Variants in ENTPD8 observed in about 807,000 individuals in gnomAD.
ENTPD8 encodes ectonucleoside triphosphate diphosphohydrolase 8, also known as E-NTPDase 8.
Under a neutral mutation model 47.0 loss-of-function variants are expected in ENTPD8, and 35 were observed. The ratio of observed to expected loss-of-function variants is 0.75; its 90% CI spans 0.57 to 0.99. ENTPD8 has a LOEUF of 0.99. Ranked by LOEUF, ENTPD8 falls within the 50% of genes least tolerant of loss-of-function variation. The pLI is 0.00. For missense variants in ENTPD8, 668 were observed against 649.9 expected (o/e 1.03, Z -0.30); for synonymous variants, 308 against 290.5 (o/e 1.06, Z -0.61).
In ENTPD8 at chr9:137,435,842, G is replaced by A. The variant is rs1393510612; in HGVS notation, c.1051-13C>T. The A allele has an allele frequency of 1.9e-6, 3 of 1,612,014 alleles. No individual in the cohort carries two copies. Among genetic ancestry groups the A allele is most frequent in the Admixed American group, 1.7e-5 (1 of 60,020 alleles). Reference sequence around the variant, plus strand: ...AGTTGGAGAAGGCCTGAGTGAGAGGGGAGGTGGCTGTGCCTTCGCTGTGGC... The same window carrying A: ...AGTTGGAGAAGGCCTGAGTGAGAGGAGAGGTGGCTGTGCCTTCGCTGTGGC... On this transcript the variant is annotated splice_polypyrimidine_tract_variant and intron_variant, in intron 7 of 9. Transcript: ENST00000371506.
intron 6 of ENTPD8, 67 bp downstream of exon 6, chr9:137,436,454 C>T (rs1198830325): frequency 6.7e-7 from 1 of 1,501,336 alleles, no homozygotes; most frequent in Non-Finnish European, 9.1e-7. Context: ...GCCGGATGAC[C>T]CACGCCAGCC....
chr9:137,436,294 G>A lies in ENTPD8; in HGVS notation c.787-18C>T. On this transcript the variant is annotated intron_variant, in intron 6 of 9. Transcript: ENST00000371506. ...GGGCGGCTCTGCAGAGGGCAGGGAG[G>A]CCTGAGCACCAGCCGCACACCTGCG... is the stretch of plus-strand genomic sequence containing the variant. 6.4e-7 allele frequency: 1 copy of A among 1,552,330 alleles called. No homozygotes were observed. The highest frequency in any genetic ancestry group is 2.1e-4 in the Middle Eastern group (1 of 4,708).
At chr9:137,435,677 C>T in intron 8 of ENTPD8, 42 bp downstream of exon 8, 2 of 1,562,404 alleles carry the variant, frequency 1.3e-6, no homozygotes, top group Non-Finnish European at 1.8e-6. Flanking sequence ...CCTGTACCCT[C>T]AGGGACCCTC....
chr9:137,435,372 GC>G, intron 8 of ENTPD8, 34 bp from the exon 9 acceptor site: 1 of 1,593,760 alleles, frequency 6.3e-7, no homozygotes. Flanking sequence ...CGAGGTGAGG[GC>G]CCCTGATCCC....
chr9:137,434,517 G>C lies in ENTPD8; in HGVS notation c.*397C>G, dbSNP rs1010060228. 2.3e-6 allele frequency: 2 copies of C among 886,252 alleles called. No homozygotes were observed. Among genetic ancestry groups the C allele is most frequent in the Admixed American group, 2.7e-5 (1 of 37,022 alleles). 54.9% of individuals were successfully genotyped at this position (886,252 alleles called of 1,614,324 possible). ...AGCAGGGAGAGCGGGGGTCCAGGTG[G>C]GGCAGCTCCCTCCCTTCCACCCCTC... On this transcript the variant is annotated 3_prime_UTR_variant, in exon 10 of 10. Transcript: ENST00000371506.
Position 137,435,303 on chromosome 9 carries a change from C to A in ENTPD8, c.1197G>T (p.Leu399=). ...EASYPGQDRW[L]RDYCASGLYI... ...ACAGGCCTGAGGCACAGTAGTCCCG[C>A]AGCCAGCGGTCCTGCCCAGGGTAGC... The change falls in exon 9 of 10, where the codon CTG becomes CTT. Residue 399 remains leucine (L), a synonymous_variant. Coordinates refer to ENST00000371506, the MANE Select transcript of ENTPD8 (RefSeq NM_001033113.2). 6.2e-7 allele frequency: 1 copy of A among 1,612,336 alleles called. No individual in the cohort carries two copies. Among genetic ancestry groups the A allele is most frequent in the Non-Finnish European group, 8.5e-7 (1 of 1,179,830 alleles).
chr9:137,436,463 C>T, intron 6 of ENTPD8, 58 bp downstream of exon 6: 3 of 1,526,400 alleles, frequency 2.0e-6, no homozygotes, highest in South Asian at 2.4e-5. Context: ...CCCACGCCAG[C>T]CCTGTGCCCA....
At chr9:137,436,420 C>A in intron 6 of ENTPD8, 101 bp downstream of exon 6, 2 of 1,350,270 alleles carry the variant, frequency 1.5e-6, no homozygotes, top group Non-Finnish European at 2.0e-6. Flanking sequence ...GCCCCGCGCC[C>A]ATACCCTGTG....
At chr9:137,435,423 G>A in intron 8 of ENTPD8, 85 bp from the exon 9 acceptor site, 1 of 1,520,614 alleles carries the variant, frequency 6.6e-7, no homozygotes, top group South Asian at 1.3e-5. Flanking sequence ...TGGCCAACCT[G>A]AGCACGCAGA....
Position 137,434,549 on chromosome 9 carries a change from C to T in ENTPD8, c.*365G>A. 1.5e-6 allele frequency: 1 copy of T among 658,550 alleles called. No homozygotes were observed. The highest frequency in any genetic ancestry group is 2.5e-6 in the Non-Finnish European group (1 of 397,570). The allele number at this position is 658,550 out of a possible 1,614,324, so 40.8% of individuals were successfully genotyped here. ...TCCCTCCCTTCCACCCCTCTCCGCC[C>T]CTCCTGAGGCCCCATCAGGAGCAGG... On this transcript the variant is annotated 3_prime_UTR_variant, in exon 10 of 10. Coordinates refer to ENST00000371506, the MANE Select transcript of ENTPD8 (RefSeq NM_001033113.2).
intron 8 of ENTPD8, 116 bp downstream of exon 8, chr9:137,435,603 G>T: frequency 8.8e-7 from 1 of 1,136,386 alleles, no homozygotes; most frequent in Non-Finnish European, 1.3e-6. Context: ...CTCTGCCCTT[G>T]CCTCCCCCGG....
chr9:137,435,962 A>G (rs1415890107), intron 7 of ENTPD8, 51 bp downstream of exon 7: 9 of 1,605,444 alleles, frequency 5.6e-6, no homozygotes, highest in Non-Finnish European at 7.7e-6. Flanking sequence ...CAGGCACCTG[A>G]GGCCTCACAA....
At position 137,434,415 on chromosome 9, in the gene ENTPD8, C is replaced by T; in HGVS notation, c.*499G>A. ...AAACAACCCCCACTGCAGTCTCACC[C>T]TCCAAGTGGGTGTGGGAGGCCGGGC... On this transcript the variant is annotated 3_prime_UTR_variant, in exon 10 of 10. Transcript: ENST00000371506. The T allele has an allele frequency of 6.6e-7, 1 of 1,509,992 alleles. No homozygotes were observed. Among genetic ancestry groups the T allele is most frequent in the African/African-American group, 1.4e-5 (1 of 72,334 alleles). The allele number at this position is 1,509,992 out of a possible 1,614,324, so 93.5% of individuals were successfully genotyped here.
In ENTPD8 at chr9:137,438,441, C is replaced by G; in HGVS notation, c.-20-136G>C. 1.0e-6 allele frequency: 1 copy of G among 987,476 alleles called. No individual in the cohort carries two copies. Among genetic ancestry groups the G allele is most frequent in the Non-Finnish European group, 1.4e-6 (1 of 702,864 alleles). 61.2% of individuals were successfully genotyped at this position (987,476 alleles called of 1,614,324 possible). A position where few individuals can be genotyped will look rare whatever the true frequency, so the allele number is the denominator to read the frequency against. On this transcript the variant is annotated intron_variant, in intron 1 of 9. Transcript: ENST00000371506. The surrounding 1 kb of genome is among the most constrained non-coding windows in gnomAD (Gnocchi z 5.7). ...ACTTGCCTTAGAGGCATCTCCGGGGCTCAGACGCCTCCCGTGGCCATAGAG... is the reference window on the plus strand; with the variant it reads ...ACTTGCCTTAGAGGCATCTCCGGGGGTCAGACGCCTCCCGTGGCCATAGAG...
chr9:137,436,408 CAG>C, intron 6 of ENTPD8, 111 bp downstream of exon 6: 2 of 1,341,186 alleles, frequency 1.5e-6, no homozygotes, highest in Non-Finnish European at 2.0e-6. Context: ...TGACCCACGC[CAG>C]CCCCGCGCCC....
At position 137,438,218 on chromosome 9, in the gene ENTPD8, G is replaced by A. The variant is rs760747546; in HGVS notation, c.68C>T (p.Thr23Met). The A allele has an allele frequency of 8.7e-6, 14 of 1,605,504 alleles. No homozygotes were observed. In the East Asian group the frequency reaches 9.0e-5, roughly 10 times the overall value. Residue 23 changes from threonine (T) to methionine (M), a missense_variant, in exon 2 of 10, where the codon ACG (threonine) becomes ATG (methionine). Coordinates refer to ENST00000371506, the MANE Select transcript of ENTPD8 (RefSeq NM_001033113.2). The surrounding 1 kb of genome is among the most constrained non-coding windows in gnomAD (Gnocchi z 5.7). ...LLGASGVSGL[T>M]ALILLLVEAT... ...CTCCACCAGGAGGAGAATGAGTGCC[G>A]TGAGGCCTGAGACCCCCGAGGCCCC...
Position 137,438,121 on chromosome 9 carries a change from G to A in ENTPD8, c.127-37C>T, listed in dbSNP as rs370063158. 17 of 1,610,790 alleles carry A rather than the reference G, an allele frequency of 1.1e-5. No individual in the cohort carries two copies. The highest frequency in any genetic ancestry group is 1.3e-5 in the African/African-American group (1 of 74,890). On this transcript the variant is annotated intron_variant, in intron 2 of 9. Coordinates refer to ENST00000371506, the MANE Select transcript of ENTPD8 (RefSeq NM_001033113.2). The surrounding 1 kb of genome is among the most constrained non-coding windows in gnomAD (Gnocchi z 5.7). ...GTGGGATGAGTGGGAGGCAACACCT[G>A]TGGACCCGGCCCGGCCTCCCCTGCC...
rs904550495 is a variant in ENTPD8, at chr9:137,438,532, C to T, written c.-20-227G>A. On this transcript the variant is annotated intron_variant, in intron 1 of 9. Coordinates refer to ENST00000371506, the MANE Select transcript of ENTPD8 (RefSeq NM_001033113.2). The surrounding 1 kb of genome is among the most constrained non-coding windows in gnomAD (Gnocchi z 5.7). Reference sequence around the variant, plus strand: ...CATCTCCGGGGCTCAGGCGGCCTCCCGTGGCCATAGAGGCATCTCCGGGGC... The same window carrying T: ...CATCTCCGGGGCTCAGGCGGCCTCCTGTGGCCATAGAGGCATCTCCGGGGC... Among the ~76,000 whole-genome samples the T allele has an allele frequency of 3.3e-5, 5 of 150,872 alleles. No individual in the cohort carries two copies. Among genetic ancestry groups the T allele is most frequent in the East Asian group, 1.9e-4 (1 of 5,134 alleles).
rs903069151 is a variant in ENTPD8 at position 137,436,533 on chromosome 9, C to T, written c.774G>A (p.Val258=). 1.2e-6 allele frequency: 2 copies of T among 1,608,740 alleles called. No individual in the cohort carries two copies. Among genetic ancestry groups the T allele is most frequent in the East Asian group, 2.2e-5 (1 of 44,756 alleles). The change falls in exon 6 of 10, where the codon GTG becomes GTA. Residue 258 remains valine (V), a synonymous_variant. Transcript: ENST00000371506. Reference sequence around the variant, plus strand: ...AGGGCCAGCTGACCTGTACCAGCCCCACGAGGAGCCTGCTCAGCATCTGGT... The same window carrying T: ...AGGGCCAGCTGACCTGTACCAGCCCTACGAGGAGCCTGCTCAGCATCTGGT... ...GRDQMLSRLL[V]GLVQSRPAAL...
Sources: allele counts gnomAD v4.1 joint callset (sites outside exome capture counted in the v4.1 genomes callset), GRCh38; gene constraint gnomAD v4.1.1; non-coding constraint Gnocchi (gnomAD v3.1); transcripts MANE v1.5; gene names NCBI Gene and HGNC (gene_info 2026-07-23, HGNC 2026-07-21).